Variants in NOC4L observed in about 807,000 individuals in gnomAD.
NOC4L encodes the protein nucleolar complex protein 4 homolog.
A neutral mutation model predicts 62.8 loss-of-function variants in NOC4L; 40 were observed. The observed-to-expected ratio is 0.64, with a 90% CI of 0.49 to 0.83. NOC4L has a LOEUF of 0.83. Ranked by LOEUF, NOC4L falls within the 40% of genes least tolerant of loss-of-function variation. NOC4L has a pLI of 0.00. For missense variants in NOC4L, 927 were observed against 701.9 expected (o/e 1.32, Z -3.62); for synonymous variants, 433 against 299.8 (o/e 1.44, Z -4.59).
At chr12:132,151,866 C>T (rs760690279) in intron 13 of NOC4L, 46 bp downstream of exon 13, 52 of 1,574,214 alleles carry the variant, frequency 3.3e-5, no homozygotes, top group East Asian at 1.8e-4. Flanking sequence ...AGCCATCCTT[C>T]GGCCCCTCAG....
chr12:132,147,429 T>G (rs1417845500), intron 4 of NOC4L, 41 bp downstream of exon 4: 2 of 1,531,354 alleles, frequency 1.3e-6, no homozygotes, highest in Non-Finnish European at 1.8e-6. Flanking sequence ...CCTGGCTGGC[T>G]GGCCAGATCC....
chr12:132,144,521 C>A lies in NOC4L; in HGVS notation c.33C>A (p.Arg11=). Residue 11 remains arginine (R), a synonymous_variant, in exon 1 of 15, where the codon CGC becomes CGA. Transcript: ENST00000330579. MEREPGAAGV[R]RALGRRLEAV... ...GGGAGCCGGGCGCCGCGGGAGTTCG[C>A]CGGGCTCTGGGCCGCCGGCTGGAGG... is the stretch of plus-strand genomic sequence containing the variant. 6.6e-7 allele frequency: 1 copy of A among 1,517,174 alleles called. No individual in the cohort carries two copies. Among genetic ancestry groups the A allele is most frequent in the East Asian group, 2.6e-5 (1 of 37,988 alleles). The allele number at this position is 1,517,174 out of a possible 1,614,324, so 94.0% of individuals were successfully genotyped here.
At chr12:132,152,252 C>G in intron 14 of NOC4L, 30 bp from the exon 15 acceptor site, 1 of 1,592,188 alleles carries the variant, frequency 6.3e-7, no homozygotes, top group Non-Finnish European at 8.5e-7. Context: ...TGAGCCAAGC[C>G]TGAGAGCCGC....
chr12:132,146,129 C>G, intron 3 of NOC4L: 1 of 417,680 alleles, frequency 2.4e-6, no homozygotes, highest in Non-Finnish European at 4.9e-6. Context: ...GAAAAGAAAT[C>G]CTGTACCAGT....
rs922677817 is a variant in NOC4L at position 132,148,117 on chromosome 12, T to G, written c.738+11T>G. ...GTTGCTCACCTGAAGGTGAGTTGCT[T>G]CTGGAGAGCCGGGCACCCTCCCGGG... On this transcript the variant is annotated intron_variant, in intron 7 of 14. Transcript: ENST00000330579. 6.2e-7 allele frequency: 1 copy of G among 1,613,030 alleles called. No homozygotes were observed. The highest frequency in any genetic ancestry group is 1.3e-5 in the African/African-American group (1 of 74,920).
chr12:132,151,094 C>T, intron 10 of NOC4L, 53 bp downstream of exon 10: 1 of 1,533,874 alleles, frequency 6.5e-7, no homozygotes. Flanking sequence ...AGCCCTGCTC[C>T]TCTGTCCCCT....
Position 132,151,609 on chromosome 12 carries a change from C to T in NOC4L, c.1199C>T (p.Ala400Val). ...FICNLLRRHPACRVLVHRPHG... is the reference protein window; with the variant it reads ...FICNLLRRHPVCRVLVHRPHG... The stretch of plus-strand genomic sequence containing the variant: ...TGTAACCTGCTGCGCCGGCACCCTG[C>T]CTGCCGGGTCCTCGTGCACCGTCCA... The change falls in exon 12 of 15, where the codon GCC becomes GTC. Residue 400 changes from alanine to valine, a missense_variant. By Grantham distance (64) the Ala-to-Val change is moderately conservative. Transcript: ENST00000330579. 2 of 1,611,658 alleles carry T rather than the reference C, an allele frequency of 1.2e-6. No individual in the cohort carries two copies. Among genetic ancestry groups the T allele is most frequent in the South Asian group, 2.2e-5 (2 of 90,998 alleles).
intron 9 of NOC4L, 24 bp from the exon 10 acceptor site, chr12:132,150,957 C>T (rs746986146): frequency 1.3e-6 from 2 of 1,587,136 alleles, no homozygotes; most frequent in Non-Finnish European, 1.7e-6. Context: ...ACTGCAGCTC[C>T]AGCCTGTGTC....
rs1192772086 is a variant in NOC4L, at chr12:132,151,811, G to A, written c.1308G>A (p.Trp436Ter). Residue 436 changes from tryptophan (W) to a stop codon, truncating the protein, a stop_gained, in exon 13 of 15, where the codon TGG (tryptophan) becomes TGA (stop). Transcript: ENST00000330579. LOFTEE classifies it high-confidence loss of function. ...GCCGGGCCTTGGAGAGCTCCCTGTGGGAGCTTCAGGTGAGGGCGCTGCTGC... is the reference window on the plus strand; with the variant it reads ...GCCGGGCCTTGGAGAGCTCCCTGTGAGAGCTTCAGGTGAGGGCGCTGCTGC... Reference protein sequence around the residue: ...AQSRALESSLWELQALQRHYH... With the variant: ...AQSRALESSL 6.2e-7 allele frequency: 1 copy of A among 1,611,688 alleles called. No homozygotes were observed. Among genetic ancestry groups the A allele is most frequent in the South Asian group, 1.1e-5 (1 of 91,078 alleles).
chr12:132,147,518 G>A, intron 4 of NOC4L, 115 bp from the exon 5 acceptor site: 1 of 1,471,160 alleles, frequency 6.8e-7, no homozygotes, highest in South Asian at 1.3e-5. Context: ...GGCTCCTGTG[G>A]CCCACCCAAC....
chr12:132,144,862 C>G lies in NOC4L; in HGVS notation c.126C>G (p.Asp42Glu), dbSNP rs750779647. The part of the protein sequence containing the change: ...FDILAVLQSE[D>E]QEEIQEAVRT... ...CGCCGCCTCTCCTGCAGTCTGAGGA[C>G]CAGGAGGAGATCCAGGAAGCAGTCC... Residue 42 changes from aspartate to glutamate, a missense_variant, in exon 2 of 15, where the codon GAC (aspartate) becomes GAG (glutamate). Physicochemically the swap from Asp to Glu is conservative, Grantham distance 45. Coordinates refer to ENST00000330579, the MANE Select transcript of NOC4L (RefSeq NM_024078.3). The G allele has an allele frequency of 1.2e-6, 2 of 1,601,004 alleles. No homozygotes were observed. The highest frequency in any genetic ancestry group is 1.3e-5 in the African/African-American group (1 of 74,888).
intron 10 of NOC4L, 29 bp downstream of exon 10, chr12:132,151,070 T>G: frequency 6.3e-7 from 1 of 1,593,180 alleles, no homozygotes; most frequent in African/African-American, 1.3e-5. Context: ...GCAGGTCTTC[T>G]TCCCAGTCTG....
At chr12:132,148,739 C>T (rs1326201940) in intron 8 of NOC4L, 45 bp from the exon 9 acceptor site, 2 of 444,842 alleles carry the variant, frequency 4.5e-6, no homozygotes, top group African/African-American at 4.6e-5. Flanking sequence ...ACCCGCCGGC[C>T]CCCGCCCACC....
At chr12:132,147,815 C>A in intron 5 of NOC4L, 33 bp downstream of exon 5, 1 of 1,611,154 alleles carries the variant, frequency 6.2e-7, no homozygotes, top group Non-Finnish European at 8.5e-7. Flanking sequence ...CAGCATCATG[C>A]TGTTGCCTCC....
At position 132,147,965 on chromosome 12, in the gene NOC4L, A is replaced by G. The variant is rs758512094; in HGVS notation, c.689A>G (p.Tyr230Cys). ...PRREPTVSSF[Y>C]VKRAELWDTW... ...CGGGAGCCCACCGTCTCCAGCTTCT[A>G]TGTGAAGCGGGCGGGTGAGTGTGCT... The change falls in exon 6 of 15, where the codon TAT (tyrosine) becomes TGT (cysteine). Residue 230 changes from tyrosine (Y) to cysteine (C), a missense_variant. By Grantham distance (194) the Tyr-to-Cys change is radical. Transcript: ENST00000330579. 34 of 1,610,386 alleles carry G rather than the reference A, an allele frequency of 2.1e-5. No homozygotes were observed. The highest frequency in any genetic ancestry group is 5.0e-5 in the Admixed American group (3 of 59,600).
chr12:132,147,779 C>G lies in NOC4L; in HGVS notation c.600C>G (p.Pro200=), dbSNP rs762355865. Residue 200 remains proline, a synonymous_variant, in exon 5 of 15, where the codon CCC becomes CCG. Transcript: ENST00000330579. Reference sequence around the variant, plus strand: ...TGGCCCGGGTCACTGGCCAGCACCCCGAGGTGGGTGATGGGGTCCTGTCGC... The same window carrying G: ...TGGCCCGGGTCACTGGCCAGCACCCGGAGGTGGGTGATGGGGTCCTGTCGC... The part of the protein sequence containing the change: ...DAVARVTGQH[P]EVPPAFWNNA... 1 of 1,612,378 alleles carries G rather than the reference C, an allele frequency of 6.2e-7. No homozygotes were observed. The highest frequency in any genetic ancestry group is 8.5e-7 in the Non-Finnish European group (1 of 1,179,920).
At chr12:132,148,269 CGA>C (rs1034238502) in intron 7 of NOC4L, among the ~76,000 whole-genome samples, 163 bp downstream of exon 7, 1 of 152,188 alleles carries the variant, frequency 6.6e-6, no homozygotes, top group African/African-American at 2.4e-5. Context: ...TGGGAGGTGA[CGA>C]GACCTGTGAA....
chr12:132,146,469 T>C (rs1340625601), intron 3 of NOC4L: 2 of 422,910 alleles, frequency 4.7e-6, no homozygotes, highest in East Asian at 1.5e-4. Context: ...TTTGCTTGAA[T>C]ATGCCTTATC....
At chr12:132,148,735 C>CCCCGGGGGGGGGGGGGGGGGGGG in intron 8 of NOC4L, 49 bp from the exon 9 acceptor site, 5 of 1,309,240 alleles carry the variant, frequency 3.8e-6, no homozygotes, top group African/African-American at 1.6e-5. Flanking sequence ...CCCGACCCGC[C>CCCCGGGGGGGGGGGGGGGGGGGG]GGCCCCCGCC....
Sources: allele counts gnomAD v4.1 joint callset (sites outside exome capture counted in the v4.1 genomes callset), GRCh38; gene constraint gnomAD v4.1.1; transcripts MANE v1.5; gene names NCBI Gene and HGNC (gene_info 2026-07-23, HGNC 2026-07-21).